PPP1R13L: variants seen among roughly 807,000 people sequenced by gnomAD.
The protein encoded by PPP1R13L is protein phosphatase 1 regulatory subunit 13 like, also known as relA-associated inhibitor.
Under a neutral mutation model 80.9 loss-of-function variants are expected in PPP1R13L, and 50 were observed. The ratio of observed to expected loss-of-function variants is 0.62; its 90% CI spans 0.49 to 0.78. The LOEUF (loss-of-function observed/expected upper bound fraction) is 0.78. PPP1R13L is among the 30% of genes least tolerant of loss of function. The probability of loss-of-function intolerance (pLI) is 0.00; values close to 1 mark genes in which losing one functional copy is unlikely to be tolerated. For synonymous variants in PPP1R13L, 602 were observed against 534.3 expected, an observed-to-expected ratio of 1.13 and a Z score of -1.75; for missense variants, 1,200 against 1,205.9, an observed-to-expected ratio of 1.00 and a Z score of 0.07.
chr19:45,386,332 G>C lies in PPP1R13L; in HGVS notation c.1816-152C>G, dbSNP rs1195838211. The C allele has an allele frequency of 5.3e-6, 5 of 945,668 alleles. No individual in the cohort carries two copies. In the African/African-American group the frequency reaches 8.7e-5, roughly 16 times the overall value. The allele number at this position is 945,668 out of a possible 1,614,324, so 58.6% of individuals were successfully genotyped here. On this transcript the variant is annotated intron_variant, in intron 8 of 12. Coordinates refer to ENST00000360957, the MANE Select transcript of PPP1R13L (RefSeq NM_006663.4). ...CGGGATGGGGTGAGGGGGTGCCTTCGATCTCCTCCTAGAGCCTCCAGTTCC... is the reference window on the plus strand; with the variant it reads ...CGGGATGGGGTGAGGGGGTGCCTTCCATCTCCTCCTAGAGCCTCCAGTTCC...
intron 8 of PPP1R13L, among the ~76,000 whole-genome samples, chr19:45,389,520 T>C (rs1368972927): frequency 6.6e-6 from 1 of 152,130 alleles, no homozygotes; most frequent in Non-Finnish European, 1.5e-5. Flanking sequence ...ATTAATGTAT[T>C]TAATCTTGGC....
chr19:45,398,259 C>G lies in PPP1R13L; in HGVS notation c.55+5G>C. On this transcript the variant is annotated splice_donor_5th_base_variant and intron_variant, in intron 2 of 12. Coordinates refer to ENST00000360957, the MANE Select transcript of PPP1R13L (RefSeq NM_006663.4). ...TCGCCAGCCCCGCCCCCTACTCCAGCTTACACTGGAAGTTCATGTCCAGAA... is the reference window on the plus strand; with the variant it reads ...TCGCCAGCCCCGCCCCCTACTCCAGGTTACACTGGAAGTTCATGTCCAGAA... 1 of 1,613,938 alleles carries G rather than the reference C, an allele frequency of 6.2e-7. No individual in the cohort carries two copies. Among genetic ancestry groups the G allele is most frequent in the Non-Finnish European group, 8.5e-7 (1 of 1,179,890 alleles).
intron 8 of PPP1R13L, among the ~76,000 whole-genome samples, chr19:45,388,184 A>AT (rs1972906067): frequency 6.7e-6 from 1 of 149,942 alleles, no homozygotes; most frequent in Admixed American, 6.7e-5. Flanking sequence ...GGAAAAAAAA[A>AT]AGAAAGACTA....
rs372792420 is a variant in PPP1R13L at position 45,398,026 on chromosome 19, C to G, written c.177G>C (p.Pro59=). 6.2e-6 allele frequency: 10 copies of G among 1,612,754 alleles called. No individual in the cohort carries two copies. The South Asian group carries it at 1.1e-4, about 18-fold the overall frequency. Residue 59 remains proline (P), a synonymous_variant, in exon 3 of 13, where the codon CCG becomes CCC. Coordinates refer to ENST00000360957, the MANE Select transcript of PPP1R13L (RefSeq NM_006663.4). ...TTACCCTAGAAGGGGGTCCGGCCTGCGGGCCAGGAGGCGCGGGAGAGTCTG... is the reference window on the plus strand; with the variant it reads ...TTACCCTAGAAGGGGGTCCGGCCTGGGGGCCAGGAGGCGCGGGAGAGTCTG... ...LWSDSPAPPG[P]QAGPPSRPPR...
chr19:45,403,170 C>T (rs1174520650), intron 1 of PPP1R13L, among the ~76,000 whole-genome samples: 1 of 152,132 alleles, frequency 6.6e-6, no homozygotes, highest in Non-Finnish European at 1.5e-5. Flanking sequence ...AATTTATAAG[C>T]CGTGATTAGA....
At position 45,396,419 on chromosome 19, in the gene PPP1R13L, G is replaced by A. The variant is rs1473770382; in HGVS notation, c.730C>T (p.Arg244Trp). The change falls in exon 5 of 13, where the codon CGG (arginine) becomes TGG (tryptophan). Residue 244 changes from arginine to tryptophan, a missense_variant. Around this residue, in one of 5 missense-constraint regions of PPP1R13L, gnomAD observed 764 missense variants for 714.5 expected, o/e 1.07. Transcript: ENST00000360957. The surrounding 1 kb of genome is among the most constrained non-coding windows in gnomAD (Gnocchi z 5.3). ...TCGTTCCAGGCTTTCGGAGGCCGCCGGCGCAGCGTCAGGTCGTCTGGGGAG... is the reference window on the plus strand; with the variant it reads ...TCGTTCCAGGCTTTCGGAGGCCGCCAGCGCAGCGTCAGGTCGTCTGGGGAG... ...LRAQDDLTLR[R>W]RPPKAWNESD... is the part of the protein sequence containing the mutation. The A allele has an allele frequency of 1.2e-6, 2 of 1,614,074 alleles. No individual in the cohort carries two copies. The highest frequency in any genetic ancestry group is 1.7e-5 in the Admixed American group (1 of 60,018).
At chr19:45,388,227 C>A (rs1972906590) in intron 8 of PPP1R13L, among the ~76,000 whole-genome samples, 1 of 151,458 alleles carries the variant, frequency 6.6e-6, no homozygotes, top group African/African-American at 2.4e-5. Context: ...ATGATGGTTC[C>A]CTGTGAGTGG....
chr19:45,406,319 C>T (rs377508717), upstream of PPP1R13L: 7 of 1,118,544 alleles, frequency 6.3e-6, no homozygotes, highest in African/African-American at 6.6e-5. The surrounding 1 kb of genome is among the most constrained non-coding windows in gnomAD (Gnocchi z 4.2). Flanking sequence ...TCAGACCAAT[C>T]GACCGTCCTG....
In PPP1R13L at chr19:45,392,228, G is replaced by A; in HGVS notation, c.1467C>T (p.Ser489=). Residue 489 remains serine (S), a synonymous_variant, in exon 8 of 13, where the codon AGC becomes AGT. Coordinates refer to ENST00000360957, the MANE Select transcript of PPP1R13L (RefSeq NM_006663.4). The part of the protein sequence containing the change: ...VDEGPVARPL[S]PTRLQPALPP... ...GCAGTGCTGGCTGCAGCCTCGTGGG[G>A]CTGAGAGGCCTTGCTACAGGGCCTT... is the stretch of plus-strand genomic sequence containing the variant. 1 of 1,612,690 alleles carries A rather than the reference G, an allele frequency of 6.2e-7. No individual in the cohort carries two copies. The highest frequency in any genetic ancestry group is 2.2e-5 in the East Asian group (1 of 44,874).
At chr19:45,402,743 C>A (rs1973258223) in intron 1 of PPP1R13L, among the ~76,000 whole-genome samples, 2 of 152,252 alleles carry the variant, frequency 1.3e-5, no homozygotes, top group South Asian at 4.1e-4. Flanking sequence ...CCGAGCTCTC[C>A]CGCGGGCTCT....
At chr19:45,385,414 G>C in intron 11 of PPP1R13L, 148 bp downstream of exon 11, 1 of 956,214 alleles carries the variant, frequency 1.0e-6, no homozygotes, top group Non-Finnish European at 1.5e-6. Context: ...CCCCGCAAGC[G>C]GTCCATCCCT....
chr19:45,388,257 T>C (rs1216867441), intron 8 of PPP1R13L, among the ~76,000 whole-genome samples: 2 of 152,164 alleles, frequency 1.3e-5, no homozygotes, highest in African/African-American at 4.8e-5. Context: ...GTCCTCTTTC[T>C]TCTATTTTTA....
chr19:45,395,586 G>A lies in PPP1R13L; in HGVS notation c.1204C>T (p.Pro402Ser). ...GGTTGGGGCTGCAGCTTAGGCGGGG[G>A]TGCTCGGGTGAAGAGGGGGGACCCA... The part of the protein sequence containing the change: ...LPGSPLFTRA[P>S]PPKLQPQPQP... Residue 402 changes from proline to serine, a missense_variant, in exon 7 of 13, where the codon CCC (proline) becomes TCC (serine). Physicochemically the swap from Pro to Ser is moderately conservative, Grantham distance 74 (BLOSUM62 -1). Around this residue, in one of 5 missense-constraint regions of PPP1R13L, gnomAD observed 764 missense variants for 714.5 expected, o/e 1.07. Transcript: ENST00000360957. 6.8e-7 allele frequency: 1 copy of A among 1,475,966 alleles called. No homozygotes were observed. The highest frequency in any genetic ancestry group is 1.4e-5 in the South Asian group (1 of 72,844). 91.4% of individuals were successfully genotyped at this position (1,475,966 alleles called of 1,614,324 possible). A position where few individuals can be genotyped will look rare whatever the true frequency, so the allele number is the denominator to read the frequency against.
At position 45,398,264 on chromosome 19, in the gene PPP1R13L, A is replaced by T. The variant is rs1390287063; in HGVS notation, c.55T>A (p.Ser19Thr). Residue 19 changes from serine (S) to threonine (T), a missense_variant and splice_region_variant, in exon 2 of 13, where the codon TCG becomes ACG. Ser to Thr is a moderately conservative substitution (Grantham distance 58). Coordinates refer to ENST00000360957, the MANE Select transcript of PPP1R13L (RefSeq NM_006663.4). ...AGCCCCGCCCCCTACTCCAGCTTAC[A>T]CTGGAAGTTCATGTCCAGAAAGTCC... is the stretch of plus-strand genomic sequence containing the variant. ...ARDFLDMNFQ[S>T]LAMKHMDLKQ... 1 of 1,613,678 alleles carries T rather than the reference A, an allele frequency of 6.2e-7. No homozygotes were observed.
intron 8 of PPP1R13L, among the ~76,000 whole-genome samples, chr19:45,390,079 C>T (rs1972941510): frequency 6.7e-6 from 1 of 149,936 alleles, no homozygotes; most frequent in African/African-American, 2.5e-5. Flanking sequence ...GCATGAACCA[C>T]CACGCCCGGC....
chr19:45,398,299 T>C lies in PPP1R13L; in HGVS notation c.20A>G (p.Gln7Arg). 1.9e-6 allele frequency: 3 copies of C among 1,613,852 alleles called. No individual in the cohort carries two copies. Among genetic ancestry groups the C allele is most frequent in the South Asian group, 2.2e-5 (2 of 91,086 alleles). MDSEAFQSARDFLDMNF... is the reference protein window; with the variant it reads MDSEAFRSARDFLDMNF... ...CATGTCCAGAAAGTCCCGCGCGCTC[T>C]GGAATGCCTCGCTGTCCATGGTGCC... Residue 7 changes from glutamine to arginine, a missense_variant, in exon 2 of 13, where the codon CAG becomes CGG. By Grantham distance (43) the Gln-to-Arg change is conservative (BLOSUM62 1). Around this residue, in one of 5 missense-constraint regions of PPP1R13L, gnomAD observed 764 missense variants for 714.5 expected, o/e 1.07. Coordinates refer to ENST00000360957, the MANE Select transcript of PPP1R13L (RefSeq NM_006663.4).
chr19:45,395,925 A>G (rs371840671), intron 6 of PPP1R13L, 39 bp from the exon 7 acceptor site: 1 of 1,511,554 alleles, frequency 6.6e-7, no homozygotes, highest in East Asian at 2.4e-5. Context: ...CGGGTGAGAG[A>G]GGGAAGGTGG....
intron 7 of PPP1R13L, chr19:45,392,642 C>T: frequency 2.1e-6 from 1 of 478,814 alleles, no homozygotes; most frequent in Non-Finnish European, 3.9e-6. Context: ...ATCTGGGCCT[C>T]AGAGAGGACA....
rs1314781590 is a variant in PPP1R13L at position 45,396,880 on chromosome 19, T to C, written c.377A>G (p.Tyr126Cys). ...GRPSSPRTPL[Y>C]LQPDAYGSLD... is the part of the protein sequence containing the mutation. The stretch of plus-strand genomic sequence containing the variant: ...GCTGCCGTAGGCGTCCGGCTGCAGG[T>C]AGAGCGGGGTGCGCGGCGACGACGG... Residue 126 changes from tyrosine (Y) to cysteine (C), a missense_variant, in exon 4 of 13, where the codon TAC (tyrosine) becomes TGC (cysteine). Physicochemically the swap from Tyr to Cys is radical, Grantham distance 194. Coordinates refer to ENST00000360957, the MANE Select transcript of PPP1R13L (RefSeq NM_006663.4). The surrounding 1 kb of genome is among the most constrained non-coding windows in gnomAD (Gnocchi z 5.3). 6.5e-7 allele frequency: 1 copy of C among 1,527,208 alleles called. No individual in the cohort carries two copies. Among genetic ancestry groups the C allele is most frequent in the Non-Finnish European group, 8.7e-7 (1 of 1,145,612 alleles). The allele number at this position is 1,527,208 out of a possible 1,614,324, so 94.6% of individuals were successfully genotyped here. A position where few individuals can be genotyped will look rare whatever the true frequency, so the allele number is the denominator to read the frequency against.
Sources: allele counts gnomAD v4.1 joint callset (sites outside exome capture counted in the v4.1 genomes callset), GRCh38; gene constraint gnomAD v4.1.1; regional missense constraint gnomAD v4.1.1; non-coding constraint Gnocchi (gnomAD v3.1); transcripts MANE v1.5; gene names NCBI Gene and HGNC (gene_info 2026-07-23, HGNC 2026-07-21).